The following MYBPC1 variants were observed in gnomAD, a reference collection of about 807,000 sequenced individuals.
The protein encoded by MYBPC1 is myosin binding protein C1.
Under a neutral mutation model 147.1 loss-of-function variants are expected in MYBPC1, and 52 were observed. That is an observed-to-expected ratio of 0.35 (90% CI 0.28 to 0.45). The LOEUF (loss-of-function observed/expected upper bound fraction) is 0.45. MYBPC1 is among the 20% of genes least tolerant of loss of function. MYBPC1 has a pLI of 1.00. For synonymous variants in MYBPC1, 477 were observed against 475.9 expected (o/e 1.00, Z -0.03); for missense variants, 1,228 against 1,440.3 (o/e 0.85, Z 2.39).
At chr12:101,669,938 A>AG in intron 23 of MYBPC1, 1 of 152,834 alleles carries the variant, frequency 6.5e-6, no homozygotes, top group Admixed American at 1.7e-4. Context: ...GAAAAAAAAA[A>AG]AGAAAAAAAA....
intron 1 of MYBPC1, among the ~76,000 whole-genome samples, chr12:101,598,566 A>AT (rs1878462762): frequency 1.3e-5 from 2 of 151,920 alleles, no homozygotes; most frequent in African/African-American, 4.8e-5. Context: ...GATTCCTTTA[A>AT]TTTTTTATTT....
intron 28 of MYBPC1, among the ~76,000 whole-genome samples, chr12:101,680,069 A>G (rs1337351273): frequency 6.6e-6 from 1 of 152,214 alleles, no homozygotes; most frequent in African/African-American, 2.4e-5. Flanking sequence ...ACCCATGTAG[A>G]TCAAATTGAA....
chr12:101,625,387 G>A lies in MYBPC1; in HGVS notation c.104-1485G>A, dbSNP rs552913491. 7.2e-5 allele frequency among the ~76,000 whole-genome samples: 11 copies of A among 152,276 alleles called. No homozygotes were observed. In the South Asian group the frequency reaches 2.1e-3, roughly 29 times the overall value. On this transcript the variant is annotated intron_variant, in intron 3 of 31. Transcript: ENST00000361466. Reference sequence around the variant, plus strand: ...CTGGACTGCACTTGTTTTCATAGTGGTGAAATGCTATGCGCATTTATACCT... The same window carrying A: ...CTGGACTGCACTTGTTTTCATAGTGATGAAATGCTATGCGCATTTATACCT...
Position 101,652,758 on chromosome 12 carries a change from C to A in MYBPC1, c.1607C>A (p.Thr536Asn). The change falls in exon 17 of 32, where the codon ACT (threonine) becomes AAT (asparagine). Residue 536 changes from threonine (T) to asparagine (N), a missense_variant. Transcript: ENST00000361466. ...TTTGCACCTGATGCCTACAATGTTA[C>A]TCTGCCTGCCAAAGTTCATGTTATT... ...YVFAPDAYNV[T>N]LPAKVHVIDP... is the part of the protein sequence containing the mutation. The A allele has an allele frequency of 6.2e-7, 1 of 1,613,452 alleles. No homozygotes were observed. The highest frequency in any genetic ancestry group is 1.3e-5 in the African/African-American group (1 of 75,040).
chr12:101,634,438 C>T, intron 8 of MYBPC1, 116 bp from the exon 9 acceptor site: 1 of 837,190 alleles, frequency 1.2e-6, no homozygotes, highest in Non-Finnish European at 2.0e-6. Context: ...GGAGAAAAGC[C>T]TCCCCCCTTC....
At chr12:101,639,983 A>G (rs1891705497) in intron 10 of MYBPC1, among the ~76,000 whole-genome samples, 1 of 152,134 alleles carries the variant, frequency 6.6e-6, no homozygotes, top group Non-Finnish European at 1.5e-5. Flanking sequence ...CACCCCGCAG[A>G]AAATATATAC....
chr12:101,658,684 A>G (rs1490644488), intron 18 of MYBPC1, among the ~76,000 whole-genome samples: 2 of 152,224 alleles, frequency 1.3e-5, no homozygotes, highest in African/African-American at 4.8e-5. Flanking sequence ...GAGAAAAATA[A>G]AAAATAAATA....
At chr12:101,611,098 G>C (rs78584602) in intron 1 of MYBPC1, among the ~76,000 whole-genome samples, 8,105 of 152,282 alleles carry the variant, frequency 0.053, 306 homozygotes, top group Middle Eastern at 0.12. Flanking sequence ...AGAGGTTTCT[G>C]TAATTTTGAG....
At chr12:101,659,155 T>G (rs547140634) in intron 18 of MYBPC1, among the ~76,000 whole-genome samples, 2 of 152,352 alleles carry the variant, frequency 1.3e-5, no homozygotes, top group South Asian at 4.1e-4. Context: ...AAAAAGAAAA[T>G]GGAAAATTGG....
rs150289868 is a variant in MYBPC1, at chr12:101,639,227, T to C, written c.665+2499T>C. Among the ~76,000 whole-genome samples, 580 of 152,328 alleles carry C rather than the reference T, an allele frequency of 3.8e-3. 7 individuals are homozygous for C. The highest frequency in any genetic ancestry group is 0.013 in the African/African-American group (543 of 41,576). ...ATAACTGTTATACTCTTCACTAGGA[T>C]CACCAAGTTATTGAAATTTTGATGT... On this transcript the variant is annotated intron_variant, in intron 10 of 31. Transcript: ENST00000361466.
At chr12:101,625,232 T>A (rs1317555058) in intron 3 of MYBPC1, among the ~76,000 whole-genome samples, 3 of 151,996 alleles carry the variant, frequency 2.0e-5, no homozygotes, top group Non-Finnish European at 4.4e-5. Flanking sequence ...ATATACCAGG[T>A]GCATTCATAA....
intron 14 of MYBPC1, 30 bp downstream of exon 14, chr12:101,648,180 T>C: frequency 4.0e-6 from 6 of 1,503,004 alleles, no homozygotes; most frequent in Non-Finnish European, 4.5e-6. Context: ...TCTGTCCATG[T>C]TTAATAGACA....
intron 1 of MYBPC1, among the ~76,000 whole-genome samples, chr12:101,608,420 A>C (rs1883063911): frequency 6.6e-6 from 1 of 152,226 alleles, no homozygotes; most frequent in Non-Finnish European, 1.5e-5. Context: ...GTGTGAGAGG[A>C]CAAAGAAAGG....
Position 101,678,201 on chromosome 12 carries a change from A to G in MYBPC1, c.3209A>G (p.Asn1070Ser). 6.2e-7 allele frequency: 1 copy of G among 1,614,178 alleles called. No homozygotes were observed. The highest frequency in any genetic ancestry group is 8.5e-7 in the Non-Finnish European group (1 of 1,179,994). The change falls in exon 28 of 32, where the codon AAT becomes AGT. Residue 1070 changes from asparagine (N) to serine (S), a missense_variant. By Grantham distance (46) the Asn-to-Ser change is conservative. Coordinates refer to ENST00000361466, the MANE Select transcript of MYBPC1 (RefSeq NM_002465.4). Reference sequence around the variant, plus strand: ...AACACCTATGCCATAGCTGGTTACAATGCCACCCTAAACTGCAGTGTGAGA... The same window carrying G: ...AACACCTATGCCATAGCTGGTTACAGTGCCACCCTAAACTGCAGTGTGAGA... The part of the protein sequence containing the change: ...LVNTYAIAGY[N>S]ATLNCSVRGN...
chr12:101,636,695 G>T lies in MYBPC1; in HGVS notation c.632G>T (p.Gly211Val), dbSNP rs750326778. 6.2e-7 allele frequency: 1 copy of T among 1,613,586 alleles called. No individual in the cohort carries two copies. The highest frequency in any genetic ancestry group is 1.3e-5 in the African/African-American group (1 of 74,902). The change falls in exon 10 of 32, where the codon GGA becomes GTA. Residue 211 changes from glycine (G) to valine (V), a missense_variant. This residue lies in a region of MYBPC1 where 1,077 missense variants were observed against 1,314.2 expected (regional missense o/e 0.82). Transcript: ENST00000361466. Reference sequence around the variant, plus strand: ...AGTGGAGAAGGTCAAGAGGATGCAGGAGAACTTGACTTTAGTGGTCTCCTG... The same window carrying T: ...AGTGGAGAAGGTCAAGAGGATGCAGTAGAACTTGACTTTAGTGGTCTCCTG... ...KRSGEGQEDA[G>V]ELDFSGLLKR...
At chr12:101,641,132 A>G (rs949008453) in intron 10 of MYBPC1, among the ~76,000 whole-genome samples, 26 of 151,690 alleles carry the variant, frequency 1.7e-4, no homozygotes, top group African/African-American at 2.7e-4. Flanking sequence ...AAAAAAAAAA[A>G]AAGAAGGCAC....
At chr12:101,599,924 C>T (rs1879167870) in intron 1 of MYBPC1, among the ~76,000 whole-genome samples, 1 of 152,170 alleles carries the variant, frequency 6.6e-6, no homozygotes, top group East Asian at 1.9e-4. Flanking sequence ...GCTAGAGGGG[C>T]TTAATACTTG....
At chr12:101,674,506 A>C (rs1899435492) in intron 25 of MYBPC1, among the ~76,000 whole-genome samples, 2 of 152,174 alleles carry the variant, frequency 1.3e-5, no homozygotes, top group African/African-American at 4.8e-5. Flanking sequence ...AGTCAGGGGA[A>C]TAGAGGAAGG....
intron 1 of MYBPC1, among the ~76,000 whole-genome samples, chr12:101,602,300 C>T (rs1880374975): frequency 6.6e-6 from 1 of 152,182 alleles, no homozygotes; most frequent in South Asian, 2.1e-4. Context: ...CTGCAACCTT[C>T]ACCTCCCTGG....
Sources: allele counts gnomAD v4.1 joint callset (sites outside exome capture counted in the v4.1 genomes callset), GRCh38; gene constraint gnomAD v4.1.1; regional missense constraint gnomAD v4.1.1; transcripts MANE v1.5; gene names NCBI Gene and HGNC (gene_info 2026-07-23, HGNC 2026-07-21).